Variants in DNAJC5B observed in about 807,000 individuals in gnomAD.
DNAJC5B encodes the protein dnaJ homolog subfamily C member 5B.
DNAJC5B carries 23 observed loss-of-function variants against 24.7 expected under a neutral mutation model. The ratio of observed to expected loss-of-function variants is 0.93; its 90% confidence interval spans 0.67 to 1.32. DNAJC5B has a LOEUF of 1.32. DNAJC5B is among the 40% of genes most tolerant of loss of function. The pLI, the probability that DNAJC5B is intolerant of heterozygous loss-of-function variation, is 0.00. For synonymous variants in DNAJC5B, 101 were observed against 90.1 expected, an observed-to-expected ratio of 1.12 and a Z score of -0.68; for missense variants, 238 against 240.8, an observed-to-expected ratio of 0.99 and a Z score of 0.08.
chr8:66,021,952 GGTAGA>G (rs1332314518), intron 1 of DNAJC5B, among the ~76,000 whole-genome samples: 2 of 152,182 alleles, frequency 1.3e-5, no homozygotes, highest in East Asian at 3.9e-4. Context: ...CGGATGACAG[GGTAGA>G]GTAAACAAAA....
chr8:66,084,016 GA>G (rs879367072), intron 5 of DNAJC5B, among the ~76,000 whole-genome samples: 7 of 152,210 alleles, frequency 4.6e-5, no homozygotes, highest in African/African-American at 1.7e-4. Flanking sequence ...TCCCTGAGCT[GA>G]AGTTTCATTA....
Position 66,080,556 on chromosome 8 carries a change from A to G in DNAJC5B, c.505+8A>G, listed in dbSNP as rs774210595. On this transcript the variant is annotated splice_region_variant and intron_variant, in intron 5 of 5. Transcript: ENST00000276570. ...AGTCTGACATGGAAAAAGGTGGGGT[A>G]GGATGAGAGCAGAGGTAGTGAGTGT... 6.3e-6 allele frequency: 10 copies of G among 1,596,316 alleles called. No individual in the cohort carries two copies. The highest frequency in any genetic ancestry group is 2.7e-5 in the African/African-American group (2 of 74,636).
At chr8:66,069,613 C>T (rs898262764) in intron 3 of DNAJC5B, among the ~76,000 whole-genome samples, 1 of 152,178 alleles carries the variant, frequency 6.6e-6, no homozygotes, top group Non-Finnish European at 1.5e-5. Context: ...GATTCACAGC[C>T]AAATTCTACC....
chr8:66,075,854 T>G (rs1358657537), intron 3 of DNAJC5B, among the ~76,000 whole-genome samples: 1 of 152,250 alleles, frequency 6.6e-6, no homozygotes, highest in Non-Finnish European at 1.5e-5. Context: ...TCTACTTTTC[T>G]GCTTTACTTC....
At chr8:66,023,507 C>A (rs1340801608) in intron 1 of DNAJC5B, among the ~76,000 whole-genome samples, 1 of 152,018 alleles carries the variant, frequency 6.6e-6, no homozygotes, top group African/African-American at 2.4e-5. Flanking sequence ...AGAAGTAATC[C>A]TTTTTTTCTT....
chr8:66,083,651 A>G (rs1239436861), intron 5 of DNAJC5B, among the ~76,000 whole-genome samples: 2 of 152,166 alleles, frequency 1.3e-5, no homozygotes, highest in African/African-American at 4.8e-5. Flanking sequence ...TTAGATTTTC[A>G]TGTCCCCTCA....
At chr8:66,041,766 G>C (rs1273703028) in intron 1 of DNAJC5B, among the ~76,000 whole-genome samples, 1 of 152,176 alleles carries the variant, frequency 6.6e-6, no homozygotes, top group African/African-American at 2.4e-5. Context: ...ACCATTTCTA[G>C]AAAGCCTCAC....
At chr8:66,060,494 A>G (rs112549346) in intron 3 of DNAJC5B, among the ~76,000 whole-genome samples, 2,400 of 152,306 alleles carry the variant, frequency 0.016, 55 homozygotes, top group African/African-American at 0.054. Context: ...TGCAGTGAAC[A>G]ATGGGCGACA....
At chr8:66,064,554 G>A (rs1296957724) in intron 3 of DNAJC5B, among the ~76,000 whole-genome samples, 1 of 152,144 alleles carries the variant, frequency 6.6e-6, no homozygotes, top group African/African-American at 2.4e-5. Context: ...AGAGATTGCT[G>A]GCCTGAAGAA....
At chr8:66,091,399 G>A (rs1807843916) in intron 5 of DNAJC5B, among the ~76,000 whole-genome samples, 1 of 152,122 alleles carries the variant, frequency 6.6e-6, no homozygotes, top group African/African-American at 2.4e-5. Context: ...AGAAGGAGGA[G>A]GAGTTGAGGG....
chr8:66,097,749 G>C (rs1308032559), intron 5 of DNAJC5B, among the ~76,000 whole-genome samples: 1 of 152,040 alleles, frequency 6.6e-6, no homozygotes, highest in Admixed American at 6.5e-5. Context: ...CAGTATATTG[G>C]AGACATAGTT....
chr8:66,091,499 A>G (rs1443950067), intron 5 of DNAJC5B, among the ~76,000 whole-genome samples: 2 of 152,192 alleles, frequency 1.3e-5, no homozygotes, highest in African/African-American at 4.8e-5. Context: ...ATTCTTGTGG[A>G]TAAGATGGTG....
At chr8:66,046,836 G>A (rs2128959049) in intron 2 of DNAJC5B, among the ~76,000 whole-genome samples, 1 of 152,352 alleles carries the variant, frequency 6.6e-6, no homozygotes, top group East Asian at 1.9e-4. Flanking sequence ...CAGAGAGCAG[G>A]GCCTTGCTGA....
chr8:66,095,033 A>G (rs181428829), intron 5 of DNAJC5B, among the ~76,000 whole-genome samples: 232 of 152,212 alleles, frequency 1.5e-3, no homozygotes, highest in African/African-American at 5.5e-3. Flanking sequence ...GATGTTTGTG[A>G]CAATATTAAT....
At chr8:66,019,493 C>A (rs751062316), upstream of DNAJC5B, among the ~76,000 whole-genome samples, 2 of 152,088 alleles carry the variant, frequency 1.3e-5, no homozygotes, top group Non-Finnish European at 2.9e-5. Context: ...GTATTGGGAC[C>A]AAATTCATGC....
chr8:66,041,791 T>A (rs1368275284), intron 1 of DNAJC5B, among the ~76,000 whole-genome samples: 3 of 152,232 alleles, frequency 2.0e-5, no homozygotes, highest in Non-Finnish European at 2.9e-5. Flanking sequence ...TTACGTGGAA[T>A]ATGATCCCAT....
rs1311317053 is a variant in DNAJC5B, at chr8:66,043,560, T to C, written c.-69T>C. 6.6e-6 allele frequency: 1 copy of C among 152,104 alleles called. No individual in the cohort carries two copies. Among genetic ancestry groups the C allele is most frequent in the Non-Finnish European group, 1.5e-5 (1 of 68,026 alleles). The allele number at this position is 152,104 out of a possible 1,614,324, so 9.4% of individuals were successfully genotyped here. A position where few individuals can be genotyped will look rare whatever the true frequency, so the allele number is the denominator to read the frequency against. On this transcript the variant is annotated 5_prime_UTR_variant, in exon 2 of 6. An upstream start codon of the reference 5' UTR is lost. Transcript: ENST00000276570. ...CTCTATTGACCTGCTTAACCCTGCA[T>C]GGGGGGGAAGGATGGAAAGGAGCAG...
At chr8:66,099,597 T>A (rs548104049) in intron 5 of DNAJC5B, among the ~76,000 whole-genome samples, 1 of 152,328 alleles carries the variant, frequency 6.6e-6, no homozygotes, top group Admixed American at 6.5e-5. Flanking sequence ...CCTTTGATAA[T>A]GTTCAGTTTC....
chr8:66,039,642 G>A (rs1194787258), intron 1 of DNAJC5B, among the ~76,000 whole-genome samples: 3 of 152,138 alleles, frequency 2.0e-5, no homozygotes, highest in East Asian at 1.9e-4. Flanking sequence ...GAGCCACTGC[G>A]CCCAGCCCAC....
Sources: gnomAD v4.1 joint callset for allele counts (sites outside exome capture counted in the v4.1 genomes callset) on GRCh38, gnomAD v4.1.1 for gene constraint, MANE v1.5 for transcripts, NCBI Gene and HGNC (gene_info 2026-07-23, HGNC 2026-07-21) for gene names.